The following KATNAL1 variants were observed in gnomAD, a reference collection of about 807,000 sequenced individuals.
The protein encoded by KATNAL1 is katanin catalytic subunit A1 like 1, also known as katanin p60 ATPase-containing subunit A-like 1.
Under a neutral mutation model 55.2 loss-of-function variants are expected in KATNAL1, and 32 were observed. The observed-to-expected ratio is 0.58, with a 90% confidence interval of 0.44 to 0.78. The LOEUF (loss-of-function observed/expected upper bound fraction) is 0.78. Among genes scored for constraint, KATNAL1 ranks in the 30% least tolerant of loss-of-function variants. The pLI is 0.00. For synonymous variants in KATNAL1, 193 were observed against 193.6 expected, an observed-to-expected ratio of 1.00 and a Z score of 0.02; for missense variants, 466 against 600.9, an observed-to-expected ratio of 0.78 and a Z score of 2.35.
At chr13:30,284,319 T>TG (rs1346305324) in intron 1 of KATNAL1, among the ~76,000 whole-genome samples, 1 of 152,242 alleles carries the variant, frequency 6.6e-6, no homozygotes, top group Non-Finnish European at 1.5e-5. Flanking sequence ...TCTGAACTAC[T>TG]GATTTACTTA....
intron 9 of KATNAL1, among the ~76,000 whole-genome samples, chr13:30,225,483 T>A (rs748883594): frequency 1.6e-4 from 25 of 152,214 alleles, no homozygotes; most frequent in Non-Finnish European, 2.8e-4. Flanking sequence ...CATATGTGTG[T>A]GTATTTAAAA....
chr13:30,222,478 C>T (rs1243821688), intron 9 of KATNAL1, among the ~76,000 whole-genome samples: 2 of 152,170 alleles, frequency 1.3e-5, no homozygotes, highest in Admixed American at 1.3e-4. Context: ...TGTTTCTCTG[C>T]AGGACTCTGA....
chr13:30,224,745 T>C (rs1875268553), intron 9 of KATNAL1, among the ~76,000 whole-genome samples: 1 of 152,098 alleles, frequency 6.6e-6, no homozygotes, highest in Non-Finnish European at 1.5e-5. Context: ...CAACCAAAAA[T>C]GATGAAGAAT....
intron 3 of KATNAL1, among the ~76,000 whole-genome samples, chr13:30,275,540 G>C (rs375237972): frequency 6.6e-6 from 1 of 152,160 alleles, no homozygotes. Context: ...AGAGAGTAGA[G>C]TGGTTATTAC....
rs1450651350 is a variant in KATNAL1 at position 30,203,736 on chromosome 13, T to A, written c.*4804A>T. 6.6e-6 allele frequency: 1 copy of A among 152,180 alleles called. No individual in the cohort carries two copies. The highest frequency in any genetic ancestry group is 6.5e-5 in the Admixed American group (1 of 15,274). The allele number at this position is 152,180 out of a possible 1,614,324, so 9.4% of individuals were successfully genotyped here. A position where few individuals can be genotyped will look rare whatever the true frequency, so the allele number is the denominator to read the frequency against. On this transcript the variant is annotated 3_prime_UTR_variant, in exon 11 of 11. Transcript: ENST00000380615. The stretch of plus-strand genomic sequence containing the variant: ...GGGAATTTAGAAATATCATTAAAGC[T>A]AAACAGTTGTCTGGAGCCAAAAAAC...
intron 3 of KATNAL1, among the ~76,000 whole-genome samples, chr13:30,262,131 C>T (rs941288562): frequency 2.0e-5 from 3 of 151,428 alleles, no homozygotes; most frequent in African/African-American, 4.9e-5. Flanking sequence ...GGGTACATAA[C>T]GAAATGAAGG....
At chr13:30,213,512 C>T (rs1037565272) in intron 9 of KATNAL1, among the ~76,000 whole-genome samples, 1 of 152,106 alleles carries the variant, frequency 6.6e-6, no homozygotes, top group African/African-American at 2.4e-5. Context: ...AACATTGATG[C>T]AAAAATCCTC....
At chr13:30,305,046 T>C (rs1883095193) in intron 1 of KATNAL1, among the ~76,000 whole-genome samples, 1 of 152,330 alleles carries the variant, frequency 6.6e-6, no homozygotes, top group South Asian at 2.1e-4. Flanking sequence ...TTTTTTCTAT[T>C]ATACAACTGG....
At chr13:30,237,404 T>G (rs910885465) in intron 6 of KATNAL1, among the ~76,000 whole-genome samples, 2 of 152,230 alleles carry the variant, frequency 1.3e-5, no homozygotes. Context: ...GATAAATGGA[T>G]AGATGAACAG....
chr13:30,229,804 G>A (rs558919205), intron 8 of KATNAL1, among the ~76,000 whole-genome samples: 4 of 151,764 alleles, frequency 2.6e-5, no homozygotes, highest in African/African-American at 9.7e-5. Context: ...TAAAATAGAT[G>A]GTGCATGGGT....
chr13:30,301,248 T>C (rs557590082), intron 1 of KATNAL1, among the ~76,000 whole-genome samples: 1 of 152,276 alleles, frequency 6.6e-6, no homozygotes, highest in African/African-American at 2.4e-5. Context: ...CGAGTGCCTG[T>C]GGTCCCAGCT....
intron 4 of KATNAL1, among the ~76,000 whole-genome samples, chr13:30,251,876 G>T (rs1436636171): frequency 6.6e-6 from 1 of 152,094 alleles, no homozygotes; most frequent in Non-Finnish European, 1.5e-5. Flanking sequence ...GACCTCAGGG[G>T]GGAAAATGAT....
chr13:30,242,513 A>G (rs1877379267), intron 4 of KATNAL1, among the ~76,000 whole-genome samples: 1 of 152,208 alleles, frequency 6.6e-6, no homozygotes, highest in South Asian at 2.1e-4. Flanking sequence ...AACGAGTAAC[A>G]AGTAAATAAA....
intron 8 of KATNAL1, among the ~76,000 whole-genome samples, chr13:30,228,954 T>A (rs1875798228): frequency 6.6e-6 from 1 of 152,192 alleles, no homozygotes; most frequent in African/African-American, 2.4e-5. Context: ...AGTCTTGCTA[T>A]GTTAACCAGG....
chr13:30,294,473 T>C (rs1468390136), intron 1 of KATNAL1, among the ~76,000 whole-genome samples: 4 of 152,166 alleles, frequency 2.6e-5, no homozygotes, highest in Admixed American at 6.5e-5. Flanking sequence ...TTCAATTCTA[T>C]GAAGGCTGAA....
intron 1 of KATNAL1, among the ~76,000 whole-genome samples, chr13:30,297,461 T>C (rs1882588691): frequency 1.3e-5 from 2 of 152,212 alleles, no homozygotes. Flanking sequence ...GTTTAGAGAT[T>C]TCTCAAAGAA....
chr13:30,303,550 G>A (rs1882993839), intron 1 of KATNAL1, among the ~76,000 whole-genome samples: 1 of 152,218 alleles, frequency 6.6e-6, no homozygotes, highest in South Asian at 2.1e-4. Flanking sequence ...AGGTGACAGA[G>A]TCAGACCCTG....
At chr13:30,281,234 T>C (rs2137532609) in intron 2 of KATNAL1, among the ~76,000 whole-genome samples, 1 of 151,712 alleles carries the variant, frequency 6.6e-6, no homozygotes, top group East Asian at 1.9e-4. Context: ...TATAAGAAAT[T>C]TTCCCTCATC....
In KATNAL1 at chr13:30,208,280, C is replaced by T. The variant is rs150980382; in HGVS notation, c.*260G>A. On this transcript the variant is annotated 3_prime_UTR_variant, in exon 11 of 11. Coordinates refer to ENST00000380615, the MANE Select transcript of KATNAL1 (RefSeq NM_032116.5). ...ACACTGCGCCCTTGCTTCAGCCTCC[C>T]TGATAGACTGGTTTGGGTGTGCAAT... 138 of 345,804 alleles carry T rather than the reference C, an allele frequency of 4.0e-4. No individual in the cohort carries two copies. Among genetic ancestry groups the T allele is most frequent in the African/African-American group, 2.8e-3 (132 of 47,110 alleles). 21.4% of individuals were successfully genotyped at this position (345,804 alleles called of 1,614,324 possible).
Sources: gnomAD v4.1 joint callset for allele counts (sites outside exome capture counted in the v4.1 genomes callset) on GRCh38, gnomAD v4.1.1 for gene constraint, MANE v1.5 for transcripts, NCBI Gene and HGNC (gene_info 2026-07-23, HGNC 2026-07-21) for gene names.